The following ADAM10 variants were observed in gnomAD, a reference collection of about 807,000 sequenced individuals.
The protein encoded by ADAM10 is ADAM metallopeptidase domain 10.
A neutral mutation model predicts 90.1 loss-of-function variants in ADAM10; 17 were observed. That is an observed-to-expected ratio of 0.19 (90% CI 0.13 to 0.28). The LOEUF (loss-of-function observed/expected upper bound fraction) is 0.28, where lower values mean the gene tolerates loss of function less well. Ranked by LOEUF, ADAM10 falls within the 10% of genes least tolerant of loss-of-function variation. The pLI, the probability that ADAM10 is intolerant of heterozygous loss-of-function variation, is 1.00. For missense variants in ADAM10, 610 were observed against 914.3 expected (o/e 0.67, Z 4.29); for synonymous variants, 310 against 298.6 (o/e 1.04, Z -0.40).
intron 2 of ADAM10, chr15:58,692,819 C>A: frequency 6.2e-6 from 4 of 644,280 alleles, no homozygotes; most frequent in South Asian, 1.4e-5. Context: ...CCAAATTGCC[C>A]AATCATGGAG....
At position 58,722,726 on chromosome 15, in the gene ADAM10, C is replaced by CTTT. The variant is rs71116592; in HGVS notation, c.56-5002_56-5000dup. Reference sequence around the variant, plus strand: ...ATTGAAAAGGCTACAAATTTGAGAACTTTTTTTTTTTTTTTTTTTTTTTGA... The same window carrying CTTT: ...ATTGAAAAGGCTACAAATTTGAGAACTTTTTTTTTTTTTTTTTTTTTTTTTTGA... On this transcript the variant is annotated intron_variant, in intron 1 of 15. Transcript: ENST00000260408. Among the ~76,000 whole-genome samples, 182 of 103,966 alleles carry CTTT rather than the reference C, an allele frequency of 1.8e-3. 1 individual carries two copies. The highest frequency in any genetic ancestry group is 5.1e-3 in the East Asian group (14 of 2,760). 68.2% of individuals were successfully genotyped at this position (103,966 alleles called of 152,430 possible). A position where few individuals can be genotyped will look rare whatever the true frequency, so the allele number is the denominator to read the frequency against.
chr15:58,611,246 T>C (rs568845820), intron 12 of ADAM10, 139 bp from the exon 13 acceptor site: 3 of 682,674 alleles, frequency 4.4e-6, no homozygotes, highest in Admixed American at 5.1e-5. Flanking sequence ...CAGAGATGAG[T>C]ATCAAAACTG....
Position 58,597,131 on chromosome 15 carries a change from A to G in ADAM10, c.*416T>C, listed in dbSNP as rs1268073398. ...ATGTACATTGGCAAGTGATGTCTCC[A>G]ATGTTGAGGTGGTCGAGCCTCCTAG... On this transcript the variant is annotated 3_prime_UTR_variant, in exon 16 of 16. Transcript: ENST00000260408. The G allele has an allele frequency of 2.4e-6, 1 of 423,718 alleles. No individual in the cohort carries two copies. The highest frequency in any genetic ancestry group is 4.9e-5 in the East Asian group (1 of 20,236). The allele number at this position is 423,718 out of a possible 1,614,324, so 26.2% of individuals were successfully genotyped here.
In ADAM10 at chr15:58,665,180, C is replaced by T. The variant is rs758796553; in HGVS notation, c.502G>A (p.Gly168Ser). 3.0e-5 allele frequency: 48 copies of T among 1,611,588 alleles called. No homozygotes were observed. In the East Asian group the frequency reaches 6.7e-4, roughly 22 times the overall value. The change falls in exon 5 of 16, where the codon GGT (glycine) becomes AGT (serine). Residue 168 changes from glycine to serine, a missense_variant. This residue lies in a region of ADAM10 where 310 missense variants were observed against 362.4 expected (regional missense o/e 0.86). Coordinates refer to ENST00000260408, the MANE Select transcript of ADAM10 (RefSeq NM_001110.4). ...TGATCTGCACAGCCCCCCTGAGGAC[C>T]GTATTTATGGGGATAGTCTAAAATA... ...EDDINYPHKY[G>S]PQGGCADHSV...
chr15:58,719,063 C>T (rs1328286711), intron 1 of ADAM10, among the ~76,000 whole-genome samples: 1 of 152,236 alleles, frequency 6.6e-6, no homozygotes, highest in Non-Finnish European at 1.5e-5. Flanking sequence ...GTGGCTCACG[C>T]CTGTAATCCG....
chr15:58,747,014 A>T (rs1899812596), intron 1 of ADAM10, among the ~76,000 whole-genome samples: 1 of 152,226 alleles, frequency 6.6e-6, no homozygotes, highest in African/African-American at 2.4e-5. Flanking sequence ...GTACAAAGCT[A>T]AGCACTTACA....
intron 5 of ADAM10, among the ~76,000 whole-genome samples, chr15:58,652,490 AAG>A (rs1422483132): frequency 6.6e-6 from 1 of 152,158 alleles, no homozygotes; most frequent in Non-Finnish European, 1.5e-5. Flanking sequence ...CCATTTATTG[AAG>A]AGATTGTCTT....
At chr15:58,660,538 G>C (rs1052213261) in intron 5 of ADAM10, among the ~76,000 whole-genome samples, 2 of 151,604 alleles carry the variant, frequency 1.3e-5, no homozygotes, top group African/African-American at 4.9e-5. Flanking sequence ...GGTTGGTCTT[G>C]AACTCTTGGC....
Position 58,653,807 on chromosome 15 carries a change from T to G in ADAM10, c.586-7603A>C, listed in dbSNP as rs532424712. ...ATTGGTATTAGTTATATTGTAAATATTTGGTAGAATTCAACAGTGAAGCCA... is the reference window on the plus strand; with the variant it reads ...ATTGGTATTAGTTATATTGTAAATAGTTGGTAGAATTCAACAGTGAAGCCA... On this transcript the variant is annotated intron_variant, in intron 5 of 15. Transcript: ENST00000260408. Among the ~76,000 whole-genome samples, 5 of 152,310 alleles carry G rather than the reference T, an allele frequency of 3.3e-5. No individual in the cohort carries two copies. In the South Asian group the frequency reaches 1.0e-3, roughly 32 times the overall value.
Position 58,627,776 on chromosome 15 carries a change from G to A in ADAM10, c.1284C>T (p.Asn428=), listed in dbSNP as rs201827393. The change falls in exon 10 of 16, where the codon AAC becomes AAT. Residue 428 remains asparagine, a synonymous_variant. Transcript: ENST00000260408. ...TACTACAGAGTGAGAATTTATTGTT[G>A]TTAAGTTTGTCCCCAGATGTTGCTC... is the stretch of plus-strand genomic sequence containing the variant. ...YARATSGDKL[N]NNKFSLCSIR... is the part of the protein sequence containing the mutation. The A allele has an allele frequency of 2.5e-6, 4 of 1,613,558 alleles. No homozygotes were observed. The African/African-American group carries it at 4.0e-5, about 16-fold the overall frequency.
Position 58,611,854 on chromosome 15 carries a change from G to A in ADAM10, c.1649C>T (p.Pro550Leu). 1 of 1,614,150 alleles carries A rather than the reference G, an allele frequency of 6.2e-7. No homozygotes were observed. The highest frequency in any genetic ancestry group is 8.5e-7 in the Non-Finnish European group (1 of 1,180,030). ...ATGCCTATTACAGTCTGTGAAGTTT[G>A]GTTTAGGGTCAGATGCTGGGCAGAG... Reference protein sequence around the residue: ...TALCPASDPKPNFTDCNRHTQ... With the variant: ...TALCPASDPKLNFTDCNRHTQ... The change falls in exon 12 of 16, where the codon CCA becomes CTA. Residue 550 changes from proline to leucine, a missense_variant. Around this residue, in one of 4 missense-constraint regions of ADAM10, gnomAD observed 150 missense variants for 268.5 expected, o/e 0.56. Coordinates refer to ENST00000260408, the MANE Select transcript of ADAM10 (RefSeq NM_001110.4).
chr15:58,588,948 T>C lies in ADAM10; in HGVS notation c.*8599A>G, dbSNP rs1200733480. ...CATGGTCGGTATGTTTCATATTCTA[T>C]AAATACAGTGCATATTAGATTTTGA... is the stretch of plus-strand genomic sequence containing the variant. On this transcript the variant is annotated 3_prime_UTR_variant, in exon 16 of 16. Transcript: ENST00000260408. The C allele has an allele frequency of 1.3e-5, 2 of 152,210 alleles. No individual in the cohort carries two copies. The highest frequency in any genetic ancestry group is 2.4e-5 in the African/African-American group (1 of 41,464). The allele number at this position is 152,210 out of a possible 1,614,324, so 9.4% of individuals were successfully genotyped here.
At chr15:58,691,109 G>A (rs776492068) in intron 2 of ADAM10, 1 of 671,478 alleles carries the variant, frequency 1.5e-6, no homozygotes, top group Non-Finnish European at 2.9e-6. Context: ...CTATCTAGCT[G>A]TAGGTGCTGG....
At chr15:58,678,681 G>C (rs1897350057) in intron 4 of ADAM10, among the ~76,000 whole-genome samples, 1 of 152,098 alleles carries the variant, frequency 6.6e-6, no homozygotes, top group African/African-American at 2.4e-5. Flanking sequence ...ATTCTAAAAA[G>C]AAATACTCAA....
At chr15:58,600,737 A>C (rs1378416966) in intron 14 of ADAM10, among the ~76,000 whole-genome samples, 22 of 152,312 alleles carry the variant, frequency 1.4e-4, no homozygotes, top group African/African-American at 5.3e-4. Context: ...GCAATTCCAA[A>C]TATTCAAACT....
intron 8 of ADAM10, among the ~76,000 whole-genome samples, chr15:58,637,432 G>A (rs1896290038): frequency 6.6e-6 from 1 of 152,176 alleles, no homozygotes; most frequent in East Asian, 1.9e-4. Context: ...AAAACAGCCA[G>A]AAGCAAAATG....
At chr15:58,664,614 T>G (rs193022855) in intron 5 of ADAM10, among the ~76,000 whole-genome samples, 13 of 152,266 alleles carry the variant, frequency 8.5e-5, no homozygotes, top group Non-Finnish European at 1.9e-4. Context: ...TTTGAACTTA[T>G]GTTTTGAATA....
At chr15:58,746,315 A>G (rs1014020371) in intron 1 of ADAM10, among the ~76,000 whole-genome samples, 1 of 152,222 alleles carries the variant, frequency 6.6e-6, no homozygotes, top group Non-Finnish European at 1.5e-5. Flanking sequence ...AGGTCCTTAG[A>G]AAAATTTTAA....
chr15:58,628,238 A>G (rs1896001834), intron 9 of ADAM10, among the ~76,000 whole-genome samples: 1 of 152,218 alleles, frequency 6.6e-6, no homozygotes, highest in Non-Finnish European at 1.5e-5. Context: ...ATAGTCTCTA[A>G]CACATATGTT....
Sources: gnomAD v4.1 joint callset for allele counts (sites outside exome capture counted in the v4.1 genomes callset) on GRCh38, gnomAD v4.1.1 for gene constraint, gnomAD v4.1.1 regional missense constraint, MANE v1.5 for transcripts, NCBI Gene and HGNC (gene_info 2026-07-23, HGNC 2026-07-21) for gene names.